SBK1: variants seen among roughly 807,000 people sequenced by gnomAD.
The protein encoded by SBK1 is SH3 domain binding kinase 1.
Under a neutral mutation model 24.4 loss-of-function variants are expected in SBK1, and 11 were observed. That is an observed-to-expected ratio of 0.45 (90% CI 0.28 to 0.75). The LOEUF (loss-of-function observed/expected upper bound fraction) is 0.75. SBK1 is among the 30% of genes least tolerant of loss of function. The pLI, the probability that SBK1 is intolerant of heterozygous loss-of-function variation, is 0.12. For missense variants in SBK1, 467 were observed against 620.5 expected, an observed-to-expected ratio of 0.75 and a Z score of 2.63; for synonymous variants, 308 against 284.4, an observed-to-expected ratio of 1.08 and a Z score of -0.83.
At position 28,317,378 on chromosome 16, in the gene SBK1, C is replaced by T. The variant is rs1453351863; in HGVS notation, c.-7-7C>T. ...CACACTTCATGCTCACCACCCCTAC[C>T]CAACAGGGAGAAGATGAGCGTGGGC... On this transcript the variant is annotated splice_polypyrimidine_tract_variant and splice_region_variant and intron_variant, in intron 1 of 3. Coordinates refer to ENST00000341901, the MANE Select transcript of SBK1 (RefSeq NM_001024401.3). The surrounding 1 kb of genome is among the most constrained non-coding windows in gnomAD (Gnocchi z 4.2). 2 of 1,609,132 alleles carry T rather than the reference C, an allele frequency of 1.2e-6. No individual in the cohort carries two copies. The highest frequency in any genetic ancestry group is 4.5e-5 in the East Asian group (2 of 44,828).
chr16:28,283,267 G>A (rs542111166), intron 1 of SBK1, among the ~76,000 whole-genome samples: 15 of 152,240 alleles, frequency 9.9e-5, no homozygotes, highest in Admixed American at 8.5e-4. Flanking sequence ...TTTCTGGGGG[G>A]TTGTATGTGA....
chr16:28,284,197 C>A (rs1182262578), intron 1 of SBK1, among the ~76,000 whole-genome samples: 1 of 152,244 alleles, frequency 6.6e-6, no homozygotes, highest in African/African-American at 2.4e-5. Context: ...CTTTAGAATC[C>A]TTGTCTCAGG....
chr16:28,301,138 CT>C (rs1735355682), intron 1 of SBK1, among the ~76,000 whole-genome samples: 1 of 152,230 alleles, frequency 6.6e-6, no homozygotes, highest in South Asian at 2.1e-4. Flanking sequence ...GTTGATACCC[CT>C]GAGTGCTGGG....
In SBK1 at chr16:28,319,269, C is replaced by T; in HGVS notation, c.429+72C>T. 8.5e-7 allele frequency: 1 copy of T among 1,177,398 alleles called. No homozygotes were observed. The highest frequency in any genetic ancestry group is 1.3e-6 in the Non-Finnish European group (1 of 792,972). 72.9% of individuals were successfully genotyped at this position (1,177,398 alleles called of 1,614,324 possible). A position where few individuals can be genotyped will look rare whatever the true frequency, so the allele number is the denominator to read the frequency against. On this transcript the variant is annotated intron_variant, in intron 3 of 3. Coordinates refer to ENST00000341901, the MANE Select transcript of SBK1 (RefSeq NM_001024401.3). The surrounding 1 kb of genome is among the most constrained non-coding windows in gnomAD (Gnocchi z 4.0). ...CAGAGTGTGAGAGTGGGAGTGGAGT[C>T]AGACCATTTAATTAACAAGTATTTA...
intron 1 of SBK1, among the ~76,000 whole-genome samples, chr16:28,304,732 C>T (rs567929842): frequency 1.2e-3 from 185 of 151,962 alleles, no homozygotes; most frequent in African/African-American, 3.9e-3. Flanking sequence ...CTCAGCCTCC[C>T]GAGTAGCTGG....
At chr16:28,271,211 T>C (rs1187260544) in intron 1 of SBK1, among the ~76,000 whole-genome samples, 1 of 151,904 alleles carries the variant, frequency 6.6e-6, no homozygotes. Context: ...TCCACTAAAA[T>C]AAGGGAGTAA....
At chr16:28,289,667 T>C (rs2044587085), upstream of SBK1, among the ~76,000 whole-genome samples, 1 of 151,474 alleles carries the variant, frequency 6.6e-6, no homozygotes, top group African/African-American at 2.4e-5. Context: ...CTTGGGAGGC[T>C]GAGGCAGGAG....
chr16:28,275,908 A>G (rs2044491769), intron 1 of SBK1, among the ~76,000 whole-genome samples: 1 of 151,818 alleles, frequency 6.6e-6, no homozygotes, highest in Non-Finnish European at 1.5e-5. Context: ...GAAGGAAGGA[A>G]GGAACGAAGG....
chr16:28,302,786 A>C (rs2044687928), intron 1 of SBK1, among the ~76,000 whole-genome samples: 1 of 152,206 alleles, frequency 6.6e-6, no homozygotes, highest in Non-Finnish European at 1.5e-5. Flanking sequence ...CTCCAGGCAC[A>C]TGTTAGCAGC....
chr16:28,262,630 G>C (rs764625515), intron 1 of SBK1, among the ~76,000 whole-genome samples: 6 of 152,204 alleles, frequency 3.9e-5, no homozygotes, highest in Non-Finnish European at 8.8e-5. Flanking sequence ...TGCTATAATA[G>C]AGGTGTGAGC....
At position 28,294,448 on chromosome 16, in the gene SBK1, C is replaced by T. The variant is rs575952424; in HGVS notation, c.-8+1148C>T. On this transcript the variant is annotated intron_variant, in intron 1 of 3. Transcript: ENST00000341901. ...GATACAGCTAGCCCTGCCAGTAGCT[C>T]CTTCACTTATTCATTCAACAAACCT... Among the ~76,000 whole-genome samples the T allele has an allele frequency of 5.3e-5, 8 of 152,312 alleles. No individual in the cohort carries two copies. The East Asian group carries it at 1.5e-3, about 29-fold the overall frequency.
chr16:28,260,198 G>A (rs989089901), intron 1 of SBK1, among the ~76,000 whole-genome samples: 1 of 152,130 alleles, frequency 6.6e-6, no homozygotes, highest in Admixed American at 6.6e-5. Context: ...CTGTGTACAT[G>A]TTTGTGGGAG....
At chr16:28,275,416 A>G (rs570568312) in intron 1 of SBK1, among the ~76,000 whole-genome samples, 2 of 152,328 alleles carry the variant, frequency 1.3e-5, no homozygotes, top group African/African-American at 4.8e-5. Flanking sequence ...CTATATGTAT[A>G]TAAGAAGAGA....
chr16:28,283,689 A>T (rs568803076), intron 1 of SBK1, among the ~76,000 whole-genome samples: 1 of 152,272 alleles, frequency 6.6e-6, no homozygotes, highest in Admixed American at 6.5e-5. Context: ...GTATCAGGGA[A>T]TGTGGGTACC....
In SBK1 at chr16:28,322,741, C is replaced by CA. The variant is rs1362881675; in HGVS notation, c.*1821dup. ...CCCACTCCCTCCAAGGACCAGGTCTCAGAGAAGGCCCTGGTCACTGCCCCC... is the reference window on the plus strand; with the variant it reads ...CCCACTCCCTCCAAGGACCAGGTCTCAAGAGAAGGCCCTGGTCACTGCCCCC... On this transcript the variant is annotated 3_prime_UTR_variant, in exon 4 of 4. Transcript: ENST00000341901. 1.3e-5 allele frequency: 2 copies of CA among 152,760 alleles called. No individual in the cohort carries two copies. The highest frequency in any genetic ancestry group is 2.9e-5 in the Non-Finnish European group (2 of 68,120). The allele number at this position is 152,760 out of a possible 1,614,324, so 9.5% of individuals were successfully genotyped here. A position where few individuals can be genotyped will look rare whatever the true frequency, so the allele number is the denominator to read the frequency against.
chr16:28,310,268 G>C (rs949686188), intron 1 of SBK1, among the ~76,000 whole-genome samples: 2 of 152,236 alleles, frequency 1.3e-5, no homozygotes, highest in Non-Finnish European at 2.9e-5. Context: ...GGCGTGAACA[G>C]AGGTCAGAGA....
chr16:28,295,389 C>T (rs565108527), intron 1 of SBK1, among the ~76,000 whole-genome samples: 3 of 152,262 alleles, frequency 2.0e-5, no homozygotes, highest in Admixed American at 6.5e-5. Context: ...AGGATGGCTC[C>T]GGAGCCGTTT....
chr16:28,260,037 C>T (rs1434843920), intron 1 of SBK1, among the ~76,000 whole-genome samples: 1 of 151,854 alleles, frequency 6.6e-6, no homozygotes, highest in African/African-American at 2.4e-5. Flanking sequence ...AACAGATGTT[C>T]CATCTTTGTT....
At chr16:28,275,706 C>A (rs954800965) in intron 1 of SBK1, among the ~76,000 whole-genome samples, 1 of 152,106 alleles carries the variant, frequency 6.6e-6, no homozygotes, top group South Asian at 2.1e-4. Flanking sequence ...ATGACGAAAC[C>A]CTGAGTCTAC....
Sources: allele counts gnomAD v4.1 joint callset (sites outside exome capture counted in the v4.1 genomes callset), GRCh38; gene constraint gnomAD v4.1.1; non-coding constraint Gnocchi (gnomAD v3.1); transcripts MANE v1.5; gene names NCBI Gene and HGNC (gene_info 2026-07-23, HGNC 2026-07-21).